TMEM178B: variants seen among roughly 807,000 people sequenced by gnomAD.
TMEM178B encodes transmembrane protein 178B.
In TMEM178B, 5 loss-of-function variants were observed where a neutral mutation model predicts 31.0. The ratio of observed to expected loss-of-function variants is 0.16; its 90% confidence interval spans 0.08 to 0.34. The LOEUF is 0.34. Ranked by LOEUF, TMEM178B falls within the 10% of genes least tolerant of loss-of-function variation. The pLI is 1.00. For synonymous variants in TMEM178B, 164 were observed against 164.0 expected (o/e 1.00, Z 0.00); for missense variants, 275 against 400.3 (o/e 0.69, Z 2.67).
intron 2 of TMEM178B, among the ~76,000 whole-genome samples, chr7:141,221,994 G>A (rs1382110252): frequency 6.6e-6 from 1 of 152,210 alleles, no homozygotes. Context: ...ACACATGAAG[G>A]TTTGAGAGCT....
intron 1 of TMEM178B, among the ~76,000 whole-genome samples, chr7:141,150,428 C>T (rs963798321): frequency 8.5e-5 from 13 of 152,232 alleles, no homozygotes; most frequent in African/African-American, 2.9e-4. Flanking sequence ...TTTTGAAGCT[C>T]TTTCTATCAG....
At chr7:141,125,680 GAAA>G (rs774508037) in intron 1 of TMEM178B, among the ~76,000 whole-genome samples, 2 of 78,736 alleles carry the variant, frequency 2.5e-5, no homozygotes, top group Non-Finnish European at 5.2e-5. Context: ...ACTCCATCTC[GAAA>G]AAAAAAAAAA....
chr7:141,358,368 T>C (rs1354479726), intron 2 of TMEM178B, among the ~76,000 whole-genome samples: 2 of 152,186 alleles, frequency 1.3e-5, no homozygotes, highest in Non-Finnish European at 2.9e-5. Context: ...AATAGCTTGT[T>C]CCTCTCCCCA....
chr7:141,443,291 C>G (rs957563140), intron 3 of TMEM178B, among the ~76,000 whole-genome samples: 1 of 152,112 alleles, frequency 6.6e-6, no homozygotes, highest in African/African-American at 2.4e-5. Context: ...TATTATTAGC[C>G]AACGGCCCCA....
At chr7:141,238,955 C>T (rs1481340835) in intron 2 of TMEM178B, among the ~76,000 whole-genome samples, 4 of 152,190 alleles carry the variant, frequency 2.6e-5, no homozygotes, top group Non-Finnish European at 5.9e-5. Context: ...TAGCTCTTGG[C>T]TGTCAGGATT....
At chr7:141,310,318 A>T (rs1798886457) in intron 2 of TMEM178B, among the ~76,000 whole-genome samples, 1 of 151,282 alleles carries the variant, frequency 6.6e-6, no homozygotes, top group African/African-American at 2.4e-5. Context: ...GCCAACAAAT[A>T]TGAAAAGAAG....
chr7:141,439,581 A>T (rs566541876), intron 3 of TMEM178B, among the ~76,000 whole-genome samples: 6 of 152,276 alleles, frequency 3.9e-5, no homozygotes, highest in African/African-American at 1.4e-4. Flanking sequence ...AGCCCCCCAA[A>T]ATATAAAAAG....
intron 2 of TMEM178B, among the ~76,000 whole-genome samples, chr7:141,309,422 G>A (rs1472530870): frequency 1.3e-5 from 2 of 152,150 alleles, no homozygotes; most frequent in African/African-American, 2.4e-5. Context: ...CATTTGGAAA[G>A]TATAGATAAG....
chr7:141,225,533 C>T (rs1797328159), intron 2 of TMEM178B, among the ~76,000 whole-genome samples: 2 of 152,104 alleles, frequency 1.3e-5, no homozygotes, highest in Non-Finnish European at 2.9e-5. Context: ...TCATTTATAA[C>T]AGACAGGACT....
At chr7:141,459,750 G>A (rs915627490) in intron 3 of TMEM178B, among the ~76,000 whole-genome samples, 9 of 152,170 alleles carry the variant, frequency 5.9e-5, no homozygotes, top group Admixed American at 2.0e-4. Flanking sequence ...CTTTGAACAC[G>A]CTGCCAATGT....
chr7:141,161,730 C>T (rs1796175691), intron 1 of TMEM178B, among the ~76,000 whole-genome samples: 1 of 151,788 alleles, frequency 6.6e-6, no homozygotes, highest in Admixed American at 6.6e-5. Flanking sequence ...AACTTGACAA[C>T]TGTGTGTGTG....
chr7:141,425,708 T>C (rs909825756), intron 2 of TMEM178B, among the ~76,000 whole-genome samples: 1 of 152,246 alleles, frequency 6.6e-6, no homozygotes, highest in African/African-American at 2.4e-5. Context: ...TGTTACCAGC[T>C]GACCTAGCTT....
intron 1 of TMEM178B, among the ~76,000 whole-genome samples, chr7:141,168,555 TG>T (rs1160037492): frequency 6.6e-6 from 1 of 152,144 alleles, no homozygotes; most frequent in Non-Finnish European, 1.5e-5. Flanking sequence ...GTGGAACACT[TG>T]AGGTCAGGAG....
chr7:141,132,554 A>G (rs952454820), intron 1 of TMEM178B, among the ~76,000 whole-genome samples: 1 of 152,106 alleles, frequency 6.6e-6, no homozygotes, highest in Non-Finnish European at 1.5e-5. Context: ...TCTGAAACCC[A>G]CCTGCACGTG....
intron 2 of TMEM178B, among the ~76,000 whole-genome samples, chr7:141,377,159 G>GTATTTATTTATT (rs199852618): frequency 0.016 from 2,335 of 145,248 alleles, 24 homozygotes; most frequent in South Asian, 0.026. Flanking sequence ...GGCTACTTCT[G>GTATTTATTTATT]TATTTATTTA....
intron 2 of TMEM178B, among the ~76,000 whole-genome samples, chr7:141,352,527 C>T (rs781760030): frequency 1.4e-4 from 21 of 152,130 alleles, no homozygotes; most frequent in South Asian, 2.1e-4. Context: ...TACAAGCACG[C>T]GCCACCACGC....
chr7:141,344,610 T>TCCTTCCTCCCTTCCTTCCTTCCTC lies in TMEM178B; in HGVS notation c.497-92991_497-92990insCCCTTCCTTCCTTCCTCCCTTCCT, dbSNP rs1449414696. ...TTCCTTCCTTCCTTCCTTCCTTCCT[T>TCCTTCCTCCCTTCCTTCCTTCCTC]CCTTCCTTCCTTCCTTCCTCCCTTC... On this transcript the variant is annotated intron_variant, in intron 2 of 3. Transcript: ENST00000565468. The surrounding 1 kb of genome is among the most constrained non-coding windows in gnomAD (Gnocchi z 4.1). Among the ~76,000 whole-genome samples, 10 of 138,354 alleles carry TCCTTCCTCCCTTCCTTCCTTCCTC rather than the reference T, an allele frequency of 7.2e-5. No homozygotes were observed. The highest frequency in any genetic ancestry group is 2.7e-4 in the African/African-American group (10 of 37,026). The allele number at this position is 138,354 out of a possible 152,430, so 90.8% of individuals were successfully genotyped here. A position where few individuals can be genotyped will look rare whatever the true frequency, so the allele number is the denominator to read the frequency against.
chr7:141,233,620 C>A (rs1797481884), intron 2 of TMEM178B, among the ~76,000 whole-genome samples: 1 of 152,164 alleles, frequency 6.6e-6, no homozygotes, highest in Non-Finnish European at 1.5e-5. Flanking sequence ...AGGGAAGAGT[C>A]TTAGGTCCCT....
intron 2 of TMEM178B, chr7:141,416,484 C>A (rs1343657014): frequency 6.6e-6 from 1 of 152,450 alleles, no homozygotes; most frequent in East Asian, 1.9e-4. Context: ...ACCTGGAGAG[C>A]AGAACAGGCT....
Sources: gnomAD v4.1 joint callset for allele counts (sites outside exome capture counted in the v4.1 genomes callset) on GRCh38, gnomAD v4.1.1 for gene constraint, Gnocchi (gnomAD v3.1) non-coding constraint, MANE v1.5 for transcripts, NCBI Gene and HGNC (gene_info 2026-07-23, HGNC 2026-07-21) for gene names.